The following CTNNA2 variants were observed in gnomAD, a reference collection of about 807,000 sequenced individuals.
CTNNA2 encodes the protein catenin alpha 2.
Under a neutral mutation model 101.0 loss-of-function variants are expected in CTNNA2, and 42 were observed. That is an observed-to-expected ratio of 0.42 (90% confidence interval 0.32 to 0.54). The LOEUF (loss-of-function observed/expected upper bound fraction) is 0.54. CTNNA2 is among the 20% of genes least tolerant of loss of function. The pLI, the probability that CTNNA2 is intolerant of heterozygous loss-of-function variation, is 0.14. For missense variants in CTNNA2, 871 were observed against 1,223.1 expected, an observed-to-expected ratio of 0.71 and a Z score of 4.29; for synonymous variants, 450 against 456.4, an observed-to-expected ratio of 0.99 and a Z score of 0.18.
chr2:80,218,153 T>G (rs1461169691), intron 7 of CTNNA2, among the ~76,000 whole-genome samples: 2 of 152,238 alleles, frequency 1.3e-5, no homozygotes, highest in African/African-American at 2.4e-5. Flanking sequence ...TATCTCTGTT[T>G]TCACCAACTG....
At chr2:79,219,561 A>G (rs1484312754) in intron 2 of CTNNA2, among the ~76,000 whole-genome samples, 1 of 152,222 alleles carries the variant, frequency 6.6e-6, no homozygotes, top group Non-Finnish European at 1.5e-5. Context: ...ATCTGCTTGT[A>G]CGCAGGAATA....
chr2:80,529,552 C>CT (rs1690343490), intron 9 of CTNNA2, among the ~76,000 whole-genome samples: 1 of 152,152 alleles, frequency 6.6e-6, no homozygotes, highest in Non-Finnish European at 1.5e-5. Flanking sequence ...TGTTCTCTCC[C>CT]TTTCTCTAGG....
intron 7 of CTNNA2, among the ~76,000 whole-genome samples, chr2:80,283,527 T>A (rs1674539339): frequency 6.6e-6 from 1 of 152,182 alleles, no homozygotes; most frequent in African/African-American, 2.4e-5. Context: ...AACCTCATAT[T>A]TAAAAATGCA....
intron 9 of CTNNA2, among the ~76,000 whole-genome samples, chr2:80,529,304 C>T (rs140917455): frequency 7.2e-4 from 110 of 152,252 alleles, no homozygotes; most frequent in African/African-American, 1.5e-3. Context: ...CATACAAAAA[C>T]GAGCCACTGG....
At chr2:79,993,664 A>G (rs1350487755) in intron 7 of CTNNA2, among the ~76,000 whole-genome samples, 1 of 152,032 alleles carries the variant, frequency 6.6e-6, no homozygotes, top group Non-Finnish European at 1.5e-5. Flanking sequence ...GAAGAGGGAG[A>G]AGAGATGAGA....
At chr2:80,192,523 CT>C (rs965748573) in intron 7 of CTNNA2, among the ~76,000 whole-genome samples, 4 of 151,232 alleles carry the variant, frequency 2.6e-5, no homozygotes, top group African/African-American at 4.9e-5. Flanking sequence ...TAAAACTTTT[CT>C]TTTTTTTTCT....
chr2:79,843,111 G>T (rs1403898819), intron 3 of CTNNA2, among the ~76,000 whole-genome samples: 1 of 152,164 alleles, frequency 6.6e-6, no homozygotes, highest in African/African-American at 2.4e-5. Context: ...GAAGCCTTAA[G>T]GCTAAATTCT....
At chr2:79,249,569 T>A (rs1462901031) in intron 2 of CTNNA2, among the ~76,000 whole-genome samples, 2 of 152,200 alleles carry the variant, frequency 1.3e-5, no homozygotes, top group Non-Finnish European at 2.9e-5. Context: ...CCTTCCTCAA[T>A]CCTTAGCCGT....
chr2:79,362,945 G>C (rs1043530179), intron 3 of CTNNA2, among the ~76,000 whole-genome samples: 3 of 152,132 alleles, frequency 2.0e-5, no homozygotes, highest in African/African-American at 7.2e-5. Flanking sequence ...GGAGACAAAG[G>C]CAATGTGATG....
rs193266817 is a variant in CTNNA2, at chr2:79,370,647, C to A, written c.-317-3184C>A. ...TCTTAACTTTTTTTTTTTTCTGAGG[C>A]ATAGAACCCACTGAGAATATAATTA... On this transcript the variant is annotated intron_variant, in intron 3 of 21. Coordinates refer to the CTNNA2 transcript ENST00000466387. Among the ~76,000 whole-genome samples the A allele has an allele frequency of 2.0e-3, 298 of 151,396 alleles. 1 individual carries two copies. The highest frequency in any genetic ancestry group is 9.9e-3 in the East Asian group (51 of 5,164).
At chr2:80,531,059 G>A (rs1447686439) in intron 9 of CTNNA2, among the ~76,000 whole-genome samples, 1 of 152,180 alleles carries the variant, frequency 6.6e-6, no homozygotes, top group Non-Finnish European at 1.5e-5. Flanking sequence ...GGAGGCAGGG[G>A]TTACAGGTTC....
intron 1 of CTNNA2, among the ~76,000 whole-genome samples, chr2:79,541,905 G>A (rs531800124): frequency 2.0e-5 from 3 of 152,086 alleles, no homozygotes; most frequent in African/African-American, 7.2e-5. Context: ...GATTACAGGC[G>A]TGAGCCACCG....
intron 15 of CTNNA2, among the ~76,000 whole-genome samples, chr2:80,600,562 A>G (rs183597491): frequency 1.6e-4 from 25 of 152,250 alleles, no homozygotes; most frequent in African/African-American, 6.0e-4. Context: ...AAAATATATA[A>G]ATCATTAATA....
chr2:80,628,263 C>A (rs974768897), intron 18 of CTNNA2, among the ~76,000 whole-genome samples: 1 of 151,442 alleles, frequency 6.6e-6, no homozygotes, highest in Non-Finnish European at 1.5e-5. Flanking sequence ...GAAAAAAAAA[C>A]ACTTTAAATT....
At chr2:79,931,543 T>C (rs1288441516) in intron 7 of CTNNA2, among the ~76,000 whole-genome samples, 1 of 152,176 alleles carries the variant, frequency 6.6e-6, no homozygotes, top group African/African-American at 2.4e-5. Flanking sequence ...AGCTATTTGT[T>C]ACTAGTCTTC....
chr2:80,207,891 G>A lies in CTNNA2; in HGVS notation c.1057-185320G>A, dbSNP rs548435867. ...GCAACTAAGAAAGGGAGCCAAAAAA[G>A]GAAACTGAGAAAGAATAGTCAGGCA... On this transcript the variant is annotated intron_variant, in intron 7 of 18. Coordinates refer to ENST00000402739, the MANE Select transcript of CTNNA2 (RefSeq NM_001282597.3). 1.1e-4 allele frequency among the ~76,000 whole-genome samples: 17 copies of A among 152,214 alleles called. No individual in the cohort carries two copies. The East Asian group carries it at 1.7e-3, about 16-fold the overall frequency.
chr2:79,939,881 T>G (rs1162235772), intron 7 of CTNNA2, among the ~76,000 whole-genome samples: 1 of 152,130 alleles, frequency 6.6e-6, no homozygotes, highest in African/African-American at 2.4e-5. Context: ...TCACCTGACG[T>G]CGGGAGTTCG....
At chr2:79,495,340 A>G (rs909107428) in intron 4 of CTNNA2, among the ~76,000 whole-genome samples, 1 of 152,272 alleles carries the variant, frequency 6.6e-6, no homozygotes, top group Non-Finnish European at 1.5e-5. Context: ...TAAAGAAGAT[A>G]TACAAATGGC....
At chr2:80,382,807 G>C (rs577623447) in intron 7 of CTNNA2, among the ~76,000 whole-genome samples, 1 of 152,330 alleles carries the variant, frequency 6.6e-6, no homozygotes, top group East Asian at 1.9e-4. Context: ...AGACTCTAGG[G>C]ATTCTTTAGG....
Sources: gnomAD v4.1 joint callset for allele counts (sites outside exome capture counted in the v4.1 genomes callset) on GRCh38, gnomAD v4.1.1 for gene constraint, MANE v1.5 for transcripts, NCBI Gene and HGNC (gene_info 2026-07-23, HGNC 2026-07-21) for gene names.